The following TGFBR1 variants were observed in gnomAD, a reference collection of about 807,000 sequenced individuals.
TGFBR1 encodes the protein transforming growth factor beta receptor 1, also known as TGF-beta receptor type-1.
In TGFBR1, 20 loss-of-function variants were observed where a neutral mutation model predicts 55.1. The ratio of observed to expected loss-of-function variants is 0.36; its 90% confidence interval spans 0.26 to 0.53. The LOEUF is 0.53. Ranked by LOEUF, TGFBR1 falls within the 20% of genes least tolerant of loss-of-function variation. The pLI, the probability that TGFBR1 is intolerant of heterozygous loss-of-function variation, is 0.91. For synonymous variants in TGFBR1, 220 were observed against 214.8 expected (o/e 1.02, Z -0.21); for missense variants, 385 against 617.6 (o/e 0.62, Z 3.99).
At chr9:99,115,972 G>A (rs1826723378) in intron 1 of TGFBR1, among the ~76,000 whole-genome samples, 1 of 152,142 alleles carries the variant, frequency 6.6e-6, no homozygotes, top group African/African-American at 2.4e-5. Flanking sequence ...CAAAGCGTTG[G>A]CAGATTAACA....
intron 1 of TGFBR1, among the ~76,000 whole-genome samples, chr9:99,106,699 CAT>C (rs199839635): frequency 6.6e-6 from 1 of 151,726 alleles, no homozygotes. Flanking sequence ...ACCTGTATGT[CAT>C]ATATATATAT....
At chr9:99,109,907 C>T (rs754806060) in intron 1 of TGFBR1, among the ~76,000 whole-genome samples, 70 of 152,196 alleles carry the variant, frequency 4.6e-4, no homozygotes, top group Non-Finnish European at 7.8e-4. Context: ...TTGACCCAGC[C>T]TAACTCCAAT....
In TGFBR1 at chr9:99,132,699, A is replaced by C; in HGVS notation, c.534A>C (p.Lys178Asn). ...TTATTTCAGAGGGTACTACGTTGAAAGACTTAATTTATGATATGACAACGT... is the reference window on the plus strand; with the variant it reads ...TTATTTCAGAGGGTACTACGTTGAACGACTTAATTTATGATATGACAACGT... ...RPFISEGTTL[K>N]DLIYDMTTSG... is the part of the protein sequence containing the mutation. The change falls in exon 3 of 9, where the codon AAA becomes AAC. Residue 178 changes from lysine to asparagine, a missense_variant. Lys to Asn is a moderately conservative substitution (Grantham distance 94, BLOSUM62 0). Coordinates refer to ENST00000374994, the MANE Select transcript of TGFBR1 (RefSeq NM_004612.4). 6.2e-7 allele frequency: 1 copy of C among 1,614,170 alleles called. No homozygotes were observed. The highest frequency in any genetic ancestry group is 8.5e-7 in the Non-Finnish European group (1 of 1,180,010).
chr9:99,121,180 G>A (rs1019465023), intron 1 of TGFBR1, among the ~76,000 whole-genome samples: 9 of 152,098 alleles, frequency 5.9e-5, no homozygotes, highest in Non-Finnish European at 1.3e-4. Flanking sequence ...CTAAATTCAG[G>A]GGTGAAATAT....
At chr9:99,125,002 C>T (rs1231863870) in intron 1 of TGFBR1, among the ~76,000 whole-genome samples, 1 of 151,688 alleles carries the variant, frequency 6.6e-6, no homozygotes, top group Non-Finnish European at 1.5e-5. Context: ...AAATTAAATA[C>T]AAAGACAACT....
chr9:99,125,494 G>A (rs1827014087), intron 1 of TGFBR1, among the ~76,000 whole-genome samples: 1 of 152,204 alleles, frequency 6.6e-6, no homozygotes, highest in Admixed American at 6.5e-5. Context: ...TATAGCACTT[G>A]CATATAATAA....
chr9:99,137,155 A>G (rs1052136825), intron 3 of TGFBR1, among the ~76,000 whole-genome samples: 23 of 152,188 alleles, frequency 1.5e-4, no homozygotes, highest in African/African-American at 5.3e-4. Flanking sequence ...TCTTCAAGAT[A>G]CTAGTGTTGT....
upstream of TGFBR1, chr9:99,104,978 G>C (rs1443019880): frequency 1.4e-5 from 3 of 214,768 alleles, no homozygotes; most frequent in East Asian, 3.3e-4. Flanking sequence ...CTGCCTGGCG[G>C]GCCCGCAGGC....
Position 99,114,923 on chromosome 9 carries a change from G to A in TGFBR1, c.97+9621G>A, listed in dbSNP as rs200941754. Among the ~76,000 whole-genome samples the A allele has an allele frequency of 9.5e-4, 145 of 152,236 alleles. 1 individual carries two copies. Among genetic ancestry groups the A allele is most frequent in the South Asian group, 2.5e-3 (12 of 4,826 alleles). On this transcript the variant is annotated intron_variant, in intron 1 of 8. Coordinates refer to ENST00000374994, the MANE Select transcript of TGFBR1 (RefSeq NM_004612.4). ...TTCATTTCTGAGTAATGGACGTTCG[G>A]AATGATTACTTTAGGAGAGACCACA...
At chr9:99,120,691 A>G (rs893182735) in intron 1 of TGFBR1, among the ~76,000 whole-genome samples, 1 of 152,214 alleles carries the variant, frequency 6.6e-6, no homozygotes, top group South Asian at 2.1e-4. Flanking sequence ...AAATACTGTA[A>G]TGAACATCTG....
At chr9:99,117,499 C>T (rs1200175621) in intron 1 of TGFBR1, among the ~76,000 whole-genome samples, 12 of 152,096 alleles carry the variant, frequency 7.9e-5, no homozygotes, top group African/African-American at 2.9e-4. Flanking sequence ...ATTGGTTTTA[C>T]CTCTCACATT....
At chr9:99,118,643 C>CTTTCT in intron 1 of TGFBR1, among the ~76,000 whole-genome samples, 1 of 129,736 alleles carries the variant, frequency 7.7e-6, no homozygotes, top group Admixed American at 7.5e-5. Context: ...TGTTTTCTTT[C>CTTTCT]TTTTTTTTTT....
rs535853537 is a variant in TGFBR1 at position 99,130,072 on chromosome 9, G to A, written c.343+972G>A. Among the ~76,000 whole-genome samples, 6 of 152,314 alleles carry A rather than the reference G, an allele frequency of 3.9e-5. No individual in the cohort carries two copies. The East Asian group carries it at 9.6e-4, about 24-fold the overall frequency. Reference sequence around the variant, plus strand: ...AGGAATATAAAAATGAGGGCAACCTGTATTAATGCTAGTGGGATTAATGGT... The same window carrying A: ...AGGAATATAAAAATGAGGGCAACCTATATTAATGCTAGTGGGATTAATGGT... On this transcript the variant is annotated intron_variant, in intron 2 of 8. Coordinates refer to ENST00000374994, the MANE Select transcript of TGFBR1 (RefSeq NM_004612.4).
chr9:99,112,598 C>G (rs1397245762), intron 1 of TGFBR1, among the ~76,000 whole-genome samples: 2 of 152,116 alleles, frequency 1.3e-5, no homozygotes, highest in African/African-American at 4.8e-5. Context: ...CTGGTGCATC[C>G]TAGGCACTCA....
chr9:99,147,780 G>A lies in TGFBR1; in HGVS notation c.1382G>A (p.Cys461Tyr), dbSNP rs1229985147. 1 of 1,613,762 alleles carries A rather than the reference G, an allele frequency of 6.2e-7. No individual in the cohort carries two copies. The highest frequency in any genetic ancestry group is 8.5e-7 in the Non-Finnish European group (1 of 1,179,786). The part of the protein sequence containing the change: ...RPNIPNRWQS[C>Y]EALRVMAKIM... Reference sequence around the variant, plus strand: ...AATATCCCAAACAGATGGCAGAGCTGTGAAGTGAGTATTTCTTTTTGATAT... The same window carrying A: ...AATATCCCAAACAGATGGCAGAGCTATGAAGTGAGTATTTCTTTTTGATAT... Residue 461 changes from cysteine to tyrosine, a missense_variant, in exon 8 of 9, where the codon TGT (cysteine) becomes TAT (tyrosine). Cys to Tyr is a radical substitution (Grantham distance 194). This residue lies in a region of TGFBR1 where 110 missense variants were observed against 154.6 expected (regional missense o/e 0.71). Transcript: ENST00000374994.
At chr9:99,139,048 A>T in intron 4 of TGFBR1, among the ~76,000 whole-genome samples, 1 of 150,904 alleles carries the variant, frequency 6.6e-6, no homozygotes, top group East Asian at 2.0e-4. Flanking sequence ...CACCCACCTC[A>T]CCCTCCCAAA....
chr9:99,120,379 T>C (rs527630717), intron 1 of TGFBR1, among the ~76,000 whole-genome samples: 4 of 152,320 alleles, frequency 2.6e-5, no homozygotes, highest in East Asian at 3.9e-4. Flanking sequence ...CCTTTAGACA[T>C]AGAAGTTTCT....
At chr9:99,129,177 A>G in intron 2 of TGFBR1, 77 bp downstream of exon 2, 1 of 1,521,998 alleles carries the variant, frequency 6.6e-7, no homozygotes, top group Non-Finnish European at 9.0e-7. Flanking sequence ...ACTGGAAGGG[A>G]TCATAAAAAT....
intron 6 of TGFBR1, among the ~76,000 whole-genome samples, chr9:99,145,661 A>T (rs1827770406): frequency 6.6e-6 from 1 of 152,150 alleles, no homozygotes; most frequent in Admixed American, 6.6e-5. Flanking sequence ...CACCTTGAGG[A>T]GGTTAAATAA....
Sources: allele counts gnomAD v4.1 joint callset (sites outside exome capture counted in the v4.1 genomes callset), GRCh38; gene constraint gnomAD v4.1.1; regional missense constraint gnomAD v4.1.1; transcripts MANE v1.5; gene names NCBI Gene and HGNC (gene_info 2026-07-23, HGNC 2026-07-21).